YEATS2: variants seen among roughly 807,000 people sequenced by gnomAD.
YEATS2 encodes the protein YEATS domain-containing protein 2.
YEATS2 carries 77 observed loss-of-function variants against 163.2 expected under a neutral mutation model. That is an observed-to-expected ratio of 0.47 (90% CI 0.39 to 0.57). YEATS2 has a LOEUF of 0.57. Ranked by LOEUF, YEATS2 falls within the 20% of genes least tolerant of loss-of-function variation. The pLI is 0.00. For synonymous variants in YEATS2, 631 were observed against 645.1 expected (o/e 0.98, Z 0.33); for missense variants, 1,549 against 1,729.8 (o/e 0.90, Z 1.85).
In YEATS2 at chr3:183,722,143, A is replaced by G. The variant is rs759075822; in HGVS notation, c.537+7A>G. On this transcript the variant is annotated splice_region_variant and intron_variant, in intron 5 of 30. Transcript: ENST00000305135. ...AAGCCGAAATACTGGAAGGGTATAT[A>G]GATGGGTGGATGTGGGAGGGAGCCA... 9 of 1,611,088 alleles carry G rather than the reference A, an allele frequency of 5.6e-6. No homozygotes were observed. The highest frequency in any genetic ancestry group is 2.2e-5 in the East Asian group (1 of 44,736).
intron 5 of YEATS2, among the ~76,000 whole-genome samples, chr3:183,722,381 C>G (rs1716612093): frequency 6.6e-6 from 1 of 150,610 alleles, no homozygotes; most frequent in African/African-American, 2.5e-5. Flanking sequence ...CTCCGCCTCC[C>G]GGGTTCACGC....
intron 2 of YEATS2, among the ~76,000 whole-genome samples, chr3:183,716,459 C>T (rs1425298576): frequency 1.3e-5 from 2 of 152,134 alleles, no homozygotes; most frequent in Non-Finnish European, 2.9e-5. Context: ...TCCTACGTAT[C>T]CCCAGAAAAT....
chr3:183,779,236 T>C (rs917814009), intron 19 of YEATS2, among the ~76,000 whole-genome samples: 6 of 152,216 alleles, frequency 3.9e-5, no homozygotes, highest in East Asian at 1.9e-4. Flanking sequence ...TTGGTAATTA[T>C]GTGTCCTCTT....
intron 7 of YEATS2, 98 bp downstream of exon 7, chr3:183,728,949 A>G: frequency 1.5e-6 from 2 of 1,316,950 alleles, no homozygotes; most frequent in Non-Finnish European, 2.1e-6. Context: ...CTGGAAATGC[A>G]GTAGTAATTG....
chr3:183,810,662 A>T lies in YEATS2; in HGVS notation c.*79A>T, dbSNP rs1444007882. ...CTGAGGACCCTGCTGCTCGGGAAGGAGGTGGTTTCCAGTGTGACTCGGCAT... is the reference window on the plus strand; with the variant it reads ...CTGAGGACCCTGCTGCTCGGGAAGGTGGTGGTTTCCAGTGTGACTCGGCAT... On this transcript the variant is annotated 3_prime_UTR_variant, in exon 31 of 31. Transcript: ENST00000305135. The T allele has an allele frequency of 1.9e-5, 26 of 1,368,264 alleles. No individual in the cohort carries two copies. The East Asian group carries it at 6.1e-4, about 32-fold the overall frequency. 84.8% of individuals were successfully genotyped at this position (1,368,264 alleles called of 1,614,324 possible). A position where few individuals can be genotyped will look rare whatever the true frequency, so the allele number is the denominator to read the frequency against.
intron 5 of YEATS2, 59 bp downstream of exon 5, chr3:183,722,195 A>C (rs1716572361): frequency 1.3e-6 from 2 of 1,551,978 alleles, no homozygotes; most frequent in Admixed American, 1.9e-5. Context: ...TATTTACTAA[A>C]GTATGCGCTT....
intron 12 of YEATS2, among the ~76,000 whole-genome samples, chr3:183,757,823 T>C (rs1464876138): frequency 6.6e-6 from 1 of 151,824 alleles, no homozygotes; most frequent in African/African-American, 2.4e-5. Context: ...AATTGTGGAA[T>C]GCCCTTAAAA....
intron 8 of YEATS2, among the ~76,000 whole-genome samples, chr3:183,746,371 G>C (rs1166214851): frequency 6.6e-6 from 1 of 152,148 alleles, no homozygotes; most frequent in Non-Finnish European, 1.5e-5. Flanking sequence ...GTTGATTTTT[G>C]AAATAATACA....
chr3:183,715,141 C>T lies in YEATS2; in HGVS notation c.-19-3C>T. On this transcript the variant is annotated splice_polypyrimidine_tract_variant and splice_region_variant and intron_variant, in intron 1 of 30. Transcript: ENST00000305135. The stretch of plus-strand genomic sequence containing the variant: ...AAATTATTAATTTATCATTGCTTCA[C>T]AGTGAAGAACTGAATGTCATCATGT... 1 of 1,552,464 alleles carries T rather than the reference C, an allele frequency of 6.4e-7. No homozygotes were observed. Among genetic ancestry groups the T allele is most frequent in the Non-Finnish European group, 8.8e-7 (1 of 1,130,452 alleles).
rs565749829 is a variant in YEATS2 at position 183,713,289 on chromosome 3, G to T, written c.-19-1855G>T. Among the ~76,000 whole-genome samples, 5 of 152,286 alleles carry T rather than the reference G, an allele frequency of 3.3e-5. No individual in the cohort carries two copies. In the South Asian group the frequency reaches 8.3e-4, roughly 25 times the overall value. On this transcript the variant is annotated intron_variant, in intron 1 of 30. Coordinates refer to ENST00000305135, the MANE Select transcript of YEATS2 (RefSeq NM_018023.5). ...CTTTTTCAAACGTGGCTGTGGCTGG[G>T]CACGGTGGCTCACACCTGTAATCCC...
chr3:183,728,004 A>G (rs1345642840), intron 6 of YEATS2, among the ~76,000 whole-genome samples: 3 of 152,122 alleles, frequency 2.0e-5, no homozygotes, highest in African/African-American at 7.2e-5. Context: ...AACTTTTAAC[A>G]GAATGTCCCT....
intron 26 of YEATS2, chr3:183,803,613 T>C: frequency 1.9e-6 from 1 of 514,172 alleles, no homozygotes; most frequent in Non-Finnish European, 3.5e-6. Flanking sequence ...GGGAAGGTGC[T>C]GTGGTGAGTT....
chr3:183,701,583 A>T (rs1714098549), intron 1 of YEATS2, among the ~76,000 whole-genome samples: 1 of 151,764 alleles, frequency 6.6e-6, no homozygotes, highest in Admixed American at 6.6e-5. Context: ...CAGTAGAGAC[A>T]AGGTCTCCCT....
intron 12 of YEATS2, 137 bp downstream of exon 12, chr3:183,756,826 A>G: frequency 1.3e-6 from 1 of 776,056 alleles, no homozygotes; most frequent in South Asian, 6.2e-5. Flanking sequence ...GTAAAAGGAA[A>G]GCCAATACTC....
chr3:183,792,696 A>G (rs1453918715), intron 21 of YEATS2, among the ~76,000 whole-genome samples: 5 of 151,870 alleles, frequency 3.3e-5, no homozygotes, highest in African/African-American at 4.8e-5. Context: ...TTTTGTAGAG[A>G]CAGGTTTTTA....
At position 183,758,887 on chromosome 3, in the gene YEATS2, G is replaced by T. The variant is rs746757654; in HGVS notation, c.1578G>T (p.Thr526=). The T allele has an allele frequency of 6.3e-7, 1 of 1,594,928 alleles. No individual in the cohort carries two copies. The highest frequency in any genetic ancestry group is 1.8e-5 in the Admixed American group (1 of 54,762). ...STGSPTNKIS[T]ASQVSQGTGS... is the part of the protein sequence containing the mutation. ...GAAGTCCTACAAACAAGATCTCCAC[G>T]GCTTCTCAGGTCTCCCAAGGAACAG... The change falls in exon 13 of 31, where the codon ACG becomes ACT. Residue 526 remains threonine (T), a synonymous_variant. Transcript: ENST00000305135.
chr3:183,763,044 C>CT (rs1721536089), intron 15 of YEATS2, among the ~76,000 whole-genome samples: 1 of 144,430 alleles, frequency 6.9e-6, no homozygotes, highest in South Asian at 2.2e-4. Context: ...GAGAGAGACT[C>CT]TGTCTCAAAA....
At chr3:183,771,275 A>G (rs1170424403) in intron 15 of YEATS2, among the ~76,000 whole-genome samples, 2 of 152,108 alleles carry the variant, frequency 1.3e-5, no homozygotes, top group Non-Finnish European at 2.9e-5. Flanking sequence ...GATCATTTGC[A>G]TTTCTTCCAA....
In YEATS2 at chr3:183,772,618, C is replaced by G; in HGVS notation, c.2206+55C>G. Reference sequence around the variant, plus strand: ...CAGCAGAAGCTCTGTCCAAAATTTCCTTTGCTAGTGATTTTATTTGCTATT... The same window carrying G: ...CAGCAGAAGCTCTGTCCAAAATTTCGTTTGCTAGTGATTTTATTTGCTATT... On this transcript the variant is annotated intron_variant, in intron 16 of 30. Transcript: ENST00000305135. 2.5e-6 allele frequency: 4 copies of G among 1,599,272 alleles called. No individual in the cohort carries two copies. In the South Asian group the frequency reaches 4.4e-5, roughly 18 times the overall value.
Sources: gnomAD v4.1 joint callset for allele counts (sites outside exome capture counted in the v4.1 genomes callset) on GRCh38, gnomAD v4.1.1 for gene constraint, MANE v1.5 for transcripts, NCBI Gene and HGNC (gene_info 2026-07-23, HGNC 2026-07-21) for gene names.